The following ATG5 variants were observed in gnomAD, a reference collection of about 807,000 sequenced individuals.
ATG5 encodes the protein autophagy protein 5.
Under a neutral mutation model 36.5 loss-of-function variants are expected in ATG5, and 14 were observed. The ratio of observed to expected loss-of-function variants is 0.38; its 90% CI spans 0.25 to 0.60. The LOEUF (loss-of-function observed/expected upper bound fraction) is 0.60. ATG5 is among the 20% of genes least tolerant of loss of function. The pLI, the probability that ATG5 is intolerant of heterozygous loss-of-function variation, is 0.60. For missense variants in ATG5, 195 were observed against 326.7 expected, an observed-to-expected ratio of 0.60 and a Z score of 3.11; for synonymous variants, 95 against 101.5, an observed-to-expected ratio of 0.94 and a Z score of 0.38.
chr6:106,232,466 C>T lies in ATG5; in HGVS notation c.573+15684G>A, dbSNP rs559093125. ...TAGGAGAACACCCGTTTGTTGTCCC[C>T]TGCTTGAGGAAGGAATTAATCTTGA... On this transcript the variant is annotated intron_variant, in intron 6 of 7. Transcript: ENST00000369076. 2.6e-5 allele frequency among the ~76,000 whole-genome samples: 4 copies of T among 152,202 alleles called. No individual in the cohort carries two copies. The South Asian group carries it at 8.3e-4, about 32-fold the overall frequency.
In ATG5 at chr6:106,184,895, T is replaced by C. The variant is rs1287846529; in HGVS notation, c.*1645A>G. 1 of 152,290 alleles carries C rather than the reference T, an allele frequency of 6.6e-6. No individual in the cohort carries two copies. Among genetic ancestry groups the C allele is most frequent in the Non-Finnish European group, 1.5e-5 (1 of 68,002 alleles). 9.4% of individuals were successfully genotyped at this position (152,290 alleles called of 1,614,324 possible). ...CCAAAATGAACCGACGAATAAACAC[T>C]CTTAATGTGAACAATCATATTCAGA... On this transcript the variant is annotated 3_prime_UTR_variant, in exon 8 of 8. Transcript: ENST00000369076.
intron 6 of ATG5, among the ~76,000 whole-genome samples, chr6:106,207,811 C>G (rs140281895): frequency 6.6e-6 from 1 of 151,028 alleles, no homozygotes; most frequent in Admixed American, 6.6e-5. Flanking sequence ...GTATTAGATT[C>G]GGCTGGGGGT....
At chr6:106,246,817 G>A (rs1778360707) in intron 6 of ATG5, among the ~76,000 whole-genome samples, 1 of 152,204 alleles carries the variant, frequency 6.6e-6, no homozygotes, top group South Asian at 2.1e-4. Context: ...CTTACGGCAT[G>A]TTACTGTGGA....
intron 7 of ATG5, among the ~76,000 whole-genome samples, chr6:106,199,222 T>C (rs1776324377): frequency 6.6e-6 from 1 of 152,130 alleles, no homozygotes; most frequent in Non-Finnish European, 1.5e-5. Flanking sequence ...CCTAGGAAGC[T>C]ACCCAAGAAA....
chr6:106,220,055 A>T (rs772345501), intron 6 of ATG5, among the ~76,000 whole-genome samples: 1 of 152,182 alleles, frequency 6.6e-6, no homozygotes, highest in Admixed American at 6.5e-5. Context: ...TGAGAAGTAC[A>T]TACTGTTGAA....
intron 4 of ATG5, among the ~76,000 whole-genome samples, chr6:106,290,093 T>C (rs1281339880): frequency 1.3e-5 from 2 of 151,732 alleles, no homozygotes; most frequent in Non-Finnish European, 2.9e-5. Context: ...CTGTGAGTGG[T>C]ACAGCTCAAT....
rs910264776 is a variant in ATG5 at position 106,185,482 on chromosome 6, A to T, written c.*1058T>A. 1.3e-5 allele frequency: 2 copies of T among 152,352 alleles called. No homozygotes were observed. Among genetic ancestry groups the T allele is most frequent in the African/African-American group, 4.8e-5 (2 of 41,444 alleles). 9.4% of individuals were successfully genotyped at this position (152,352 alleles called of 1,614,324 possible). A position where few individuals can be genotyped will look rare whatever the true frequency, so the allele number is the denominator to read the frequency against. On this transcript the variant is annotated 3_prime_UTR_variant, in exon 8 of 8. Coordinates refer to ENST00000369076, the MANE Select transcript of ATG5 (RefSeq NM_004849.4). ...GAATAAGAACTCCAGTAACCTCTGG[A>T]TATTTTTGGTAAAAATTAAAGAAAA...
chr6:106,296,782 C>A (rs971185536), intron 3 of ATG5, among the ~76,000 whole-genome samples: 2 of 152,176 alleles, frequency 1.3e-5, no homozygotes, highest in African/African-American at 2.4e-5. Flanking sequence ...TGCAACACTG[C>A]ACTCCAGCCT....
At chr6:106,193,770 T>A (rs898679113) in intron 7 of ATG5, among the ~76,000 whole-genome samples, 1 of 152,336 alleles carries the variant, frequency 6.6e-6, no homozygotes, top group Non-Finnish European at 1.5e-5. Context: ...TAGCTCAACT[T>A]ACTTGCTTTA....
intron 6 of ATG5, among the ~76,000 whole-genome samples, chr6:106,218,494 G>A (rs1482058579): frequency 6.6e-6 from 1 of 152,146 alleles, no homozygotes; most frequent in South Asian, 2.1e-4. Context: ...AGGCATGTAG[G>A]TAAAAAGGAC....
intron 6 of ATG5, among the ~76,000 whole-genome samples, chr6:106,236,164 T>C (rs889067163): frequency 6.6e-6 from 1 of 152,262 alleles, no homozygotes; most frequent in African/African-American, 2.4e-5. Context: ...ATCCATATTA[T>C]TGCATGTATT....
chr6:106,240,558 A>G (rs1439700575), intron 6 of ATG5, among the ~76,000 whole-genome samples: 2 of 151,900 alleles, frequency 1.3e-5, no homozygotes, highest in Non-Finnish European at 2.9e-5. Context: ...ACTACTAAAA[A>G]TCAGAGTTAT....
intron 6 of ATG5, among the ~76,000 whole-genome samples, chr6:106,238,399 T>A (rs1777981765): frequency 6.6e-6 from 1 of 152,200 alleles, no homozygotes; most frequent in African/African-American, 2.4e-5. Context: ...GTAACATATA[T>A]CTCTAAATGA....
intron 5 of ATG5, 50 bp from the exon 6 acceptor site, chr6:106,248,294 G>A (rs766784336): frequency 7.5e-7 from 1 of 1,339,694 alleles, no homozygotes; most frequent in South Asian, 1.2e-5. Context: ...CATTATAATG[G>A]AATACCTCAC....
chr6:106,267,486 C>A (rs1489109425), intron 5 of ATG5, among the ~76,000 whole-genome samples: 1 of 152,170 alleles, frequency 6.6e-6, no homozygotes, highest in Non-Finnish European at 1.5e-5. Context: ...TACAAAAAAA[C>A]TACTTTAAAT....
At chr6:106,240,540 C>A (rs1004552517) in intron 6 of ATG5, among the ~76,000 whole-genome samples, 5 of 151,786 alleles carry the variant, frequency 3.3e-5, no homozygotes, top group African/African-American at 7.3e-5. Flanking sequence ...TCTCTCTATA[C>A]CCACAATACT....
At chr6:106,292,668 A>T (rs1404892490) in intron 4 of ATG5, among the ~76,000 whole-genome samples, 2 of 152,180 alleles carry the variant, frequency 1.3e-5, no homozygotes, top group East Asian at 3.8e-4. Flanking sequence ...TTTTTTATAG[A>T]GGCAGGGTCT....
At position 106,298,969 on chromosome 6, in the gene ATG5, G is replaced by T. The variant is rs1357560427; in HGVS notation, c.237-5863C>A. Among the ~76,000 whole-genome samples, 3 of 152,202 alleles carry T rather than the reference G, an allele frequency of 2.0e-5. No homozygotes were observed. In the East Asian group the frequency reaches 5.8e-4, roughly 29 times the overall value. ...GTCTTCTAAACAGATATTATATACAGTTTTGTGAGAAGCCTTCTAACCCAC... is the reference window on the plus strand; with the variant it reads ...GTCTTCTAAACAGATATTATATACATTTTTGTGAGAAGCCTTCTAACCCAC... On this transcript the variant is annotated intron_variant, in intron 3 of 7. Coordinates refer to ENST00000369076, the MANE Select transcript of ATG5 (RefSeq NM_004849.4).
intron 1 of ATG5, among the ~76,000 whole-genome samples, chr6:106,323,179 C>T (rs553500784): frequency 6.6e-6 from 1 of 151,968 alleles, no homozygotes; most frequent in Admixed American, 6.6e-5. Context: ...CCTCGTGATC[C>T]GCCCGCCTTG....
Sources: gnomAD v4.1 joint callset for allele counts (sites outside exome capture counted in the v4.1 genomes callset) on GRCh38, gnomAD v4.1.1 for gene constraint, MANE v1.5 for transcripts, NCBI Gene and HGNC (gene_info 2026-07-23, HGNC 2026-07-21) for gene names.